The following TMC5 variants were observed in gnomAD, a reference collection of about 807,000 sequenced individuals.
TMC5 encodes the protein transmembrane channel-like protein 5.
A neutral mutation model predicts 110.5 loss-of-function variants in TMC5; 86 were observed. That is an observed-to-expected ratio of 0.78 (90% CI 0.65 to 0.93). TMC5 has a LOEUF of 0.93. Among genes scored for constraint, TMC5 ranks in the 40% least tolerant of loss-of-function variants. The probability of loss-of-function intolerance (pLI) is 0.00; values close to 1 mark genes in which losing one functional copy is unlikely to be tolerated. For synonymous variants in TMC5, 455 were observed against 439.5 expected, an observed-to-expected ratio of 1.04 and a Z score of -0.44; for missense variants, 1,144 against 1,222.8, an observed-to-expected ratio of 0.94 and a Z score of 0.96.
upstream of TMC5, among the ~76,000 whole-genome samples, chr16:19,415,843 A>G (rs1966874146): frequency 6.6e-6 from 1 of 152,056 alleles, no homozygotes; most frequent in African/African-American, 2.4e-5. Flanking sequence ...AGAAAATTCC[A>G]TTTCTCCATT....
chr16:19,469,517 G>A (rs746050709), intron 9 of TMC5, among the ~76,000 whole-genome samples, 164 bp from the exon 10 acceptor site: 75 of 152,190 alleles, frequency 4.9e-4, no homozygotes, highest in Non-Finnish European at 8.5e-4. Flanking sequence ...ACCAGTGCTT[G>A]TTTAACCACT....
intron 1 of TMC5, chr16:19,411,394 G>A (rs1023627131): frequency 2.0e-5 from 3 of 152,292 alleles, no homozygotes; most frequent in African/African-American, 7.2e-5. Context: ...GTTAGATGTT[G>A]TTATTTCTCC....
chr16:19,418,664 C>T (rs924042634), intron 1 of TMC5, among the ~76,000 whole-genome samples: 2 of 150,988 alleles, frequency 1.3e-5, no homozygotes, highest in Admixed American at 6.6e-5. Context: ...TCATTTTTCT[C>T]ATTCTTCTCA....
In TMC5 at chr16:19,490,445, T is replaced by C. The variant is rs1239053524; in HGVS notation, c.2624T>C (p.Ile875Thr). The change falls in exon 18 of 22, where the codon ATT (isoleucine) becomes ACT (threonine). Residue 875 changes from isoleucine to threonine, a missense_variant. Coordinates refer to ENST00000542583, the MANE Select transcript of TMC5 (RefSeq NM_001261841.2). Reference protein sequence around the residue: ...CGPFRGLPLFIHSIYSWIDTL... With the variant: ...CGPFRGLPLFTHSIYSWIDTL... ...CCTTTTCGAGGTCTGCCTCTCTTCA[T>C]TCACTCCATCTACAGCTGGATCGAC... 1 of 1,614,216 alleles carries C rather than the reference T, an allele frequency of 6.2e-7. No homozygotes were observed. Among genetic ancestry groups the C allele is most frequent in the Non-Finnish European group, 8.5e-7 (1 of 1,180,040 alleles).
In TMC5 at chr16:19,449,624, A is replaced by T; in HGVS notation, c.1041A>T (p.Ser347=). 1 of 1,614,000 alleles carries T rather than the reference A, an allele frequency of 6.2e-7. No homozygotes were observed. Among genetic ancestry groups the T allele is most frequent in the Non-Finnish European group, 8.5e-7 (1 of 1,179,966 alleles). ...PPLSECDWHK[S]PQGQKLIASL... ...TGTCTGAATGTGATTGGCACAAGTC[A>T]CCCCAAGGTAAGTGATATGGTTTGG... Residue 347 remains serine, a synonymous_variant, in exon 5 of 22, where the codon TCA becomes TCT. Coordinates refer to ENST00000542583, the MANE Select transcript of TMC5 (RefSeq NM_001261841.2).
chr16:19,440,100 G>T lies in TMC5; in HGVS notation c.62G>T (p.Gly21Val), dbSNP rs760101744. 1 of 1,613,986 alleles carries T rather than the reference G, an allele frequency of 6.2e-7. No individual in the cohort carries two copies. The highest frequency in any genetic ancestry group is 1.7e-5 in the Admixed American group (1 of 60,006). ...GACCCAGATTACCCTGACTATTCAG[G>T]GTCTCAGAACCGTACGCAGGGGTAT... Reference protein sequence around the residue: ...EEDPDYPDYSGSQNRTQGYLK... With the variant: ...EEDPDYPDYSVSQNRTQGYLK... Residue 21 changes from glycine to valine, a missense_variant, in exon 3 of 22, where the codon GGG (glycine) becomes GTG (valine). Physicochemically the swap from Gly to Val is moderately radical, Grantham distance 109 (BLOSUM62 -3). Transcript: ENST00000542583.
At chr16:19,454,779 G>T (rs1967827052) in intron 5 of TMC5, among the ~76,000 whole-genome samples, 1 of 152,170 alleles carries the variant, frequency 6.6e-6, no homozygotes, top group South Asian at 2.1e-4. Context: ...TAGGAATTGT[G>T]TTTATGTGCC....
chr16:19,493,668 C>T (rs1192811829), intron 19 of TMC5, among the ~76,000 whole-genome samples: 1 of 152,026 alleles, frequency 6.6e-6, no homozygotes, highest in Non-Finnish European at 1.5e-5. Context: ...ACCATGTTGA[C>T]TAGGCTGGTC....
chr16:19,492,913 T>G (rs1184546720), intron 19 of TMC5, among the ~76,000 whole-genome samples: 2 of 91,032 alleles, frequency 2.2e-5, no homozygotes, highest in Admixed American at 2.0e-4. Context: ...TATTAAAACT[T>G]AGATATATAT....
intron 3 of TMC5, among the ~76,000 whole-genome samples, chr16:19,442,005 G>A (rs1597173248): frequency 6.6e-6 from 1 of 152,072 alleles, no homozygotes; most frequent in Non-Finnish European, 1.5e-5. Flanking sequence ...GTTTCTCCAC[G>A]TTGGTCAGGC....
intron 9 of TMC5, 143 bp from the exon 10 acceptor site, chr16:19,469,538 C>G: frequency 1.0e-6 from 1 of 989,674 alleles, no homozygotes; most frequent in South Asian, 1.6e-5. Flanking sequence ...GTGTGGTGAC[C>G]ACACCGCTCC....
chr16:19,456,427 C>T (rs557496367), intron 5 of TMC5: 62 of 1,099,224 alleles, frequency 5.6e-5, no homozygotes, highest in Middle Eastern at 4.0e-4. Flanking sequence ...ATTCTGTTTT[C>T]GATTTCTTGC....
chr16:19,497,265 T>C, intron 21 of TMC5, 102 bp downstream of exon 21: 1 of 1,236,464 alleles, frequency 8.1e-7, no homozygotes, highest in Non-Finnish European at 1.2e-6. Flanking sequence ...CTTTTTCAGT[T>C]GCAAATTGGA....
chr16:19,492,297 A>C (rs1217073970), intron 19 of TMC5, 69 bp downstream of exon 19: 1 of 1,076,406 alleles, frequency 9.3e-7, no homozygotes, highest in Admixed American at 1.8e-5. Context: ...CATCCTCCAA[A>C]ATAAAGAGAA....
intron 4 of TMC5, among the ~76,000 whole-genome samples, chr16:19,448,676 AAT>A (rs1967674275): frequency 8.4e-6 from 1 of 118,574 alleles, no homozygotes. Context: ...TTTATATTAA[AAT>A]ATATATTTAT....
chr16:19,489,792 T>C (rs1384812440), intron 17 of TMC5, among the ~76,000 whole-genome samples: 1 of 151,620 alleles, frequency 6.6e-6, no homozygotes, highest in African/African-American at 2.4e-5. Context: ...TTTAATTTCA[T>C]TTCTTTTTTT....
chr16:19,419,443 T>C (rs1162294337), intron 1 of TMC5, among the ~76,000 whole-genome samples: 1 of 138,548 alleles, frequency 7.2e-6, no homozygotes, highest in Non-Finnish European at 1.6e-5. Context: ...GACAGTGTCT[T>C]GCTCTGTCGC....
intron 1 of TMC5, among the ~76,000 whole-genome samples, chr16:19,427,445 C>G (rs1224378157): frequency 6.6e-6 from 1 of 152,184 alleles, no homozygotes; most frequent in Non-Finnish European, 1.5e-5. Flanking sequence ...AAACGAGACC[C>G]TGTCTCTGAA....
intron 8 of TMC5, among the ~76,000 whole-genome samples, chr16:19,465,013 T>G (rs1209701458): frequency 3.4e-5 from 1 of 29,832 alleles, no homozygotes; most frequent in African/African-American, 6.7e-5. Context: ...CTTTCTTTCT[T>G]TCTTTCTTTC....
Sources: allele counts gnomAD v4.1 joint callset (sites outside exome capture counted in the v4.1 genomes callset), GRCh38; gene constraint gnomAD v4.1.1; transcripts MANE v1.5; gene names NCBI Gene and HGNC (gene_info 2026-07-23, HGNC 2026-07-21).